CMSS1: variants seen among roughly 807,000 people sequenced by gnomAD.
CMSS1 encodes the protein cms1 ribosomal small subunit homolog.
CMSS1 carries 33 observed loss-of-function variants against 43.5 expected under a neutral mutation model. The observed-to-expected ratio is 0.76, with a 90% CI of 0.57 to 1.01. CMSS1 has a LOEUF of 1.01. CMSS1 is among the 50% of genes least tolerant of loss of function. The pLI is 0.00. For synonymous variants in CMSS1, 115 were observed against 117.2 expected (o/e 0.98, Z 0.12); for missense variants, 313 against 326.4 (o/e 0.96, Z 0.32).
intron 1 of CMSS1, among the ~76,000 whole-genome samples, chr3:99,900,295 G>C (rs1474888524): frequency 2.6e-5 from 4 of 152,152 alleles, no homozygotes; most frequent in African/African-American, 7.2e-5. Context: ...AGATGGTGAT[G>C]ATGAGGATAT....
At chr3:99,995,349 A>T (rs1334565918) in intron 1 of CMSS1, among the ~76,000 whole-genome samples, 1 of 152,176 alleles carries the variant, frequency 6.6e-6, no homozygotes, top group African/African-American at 2.4e-5. Flanking sequence ...CTGATGTAAG[A>T]GGTGGGTTCC....
chr3:99,819,776 A>G (rs1196801252), intron 1 of CMSS1, among the ~76,000 whole-genome samples: 6 of 144,066 alleles, frequency 4.2e-5, no homozygotes, highest in Admixed American at 3.5e-4. Context: ...TTTTTTTGAC[A>G]CGGAGTCTCC....
intron 1 of CMSS1, among the ~76,000 whole-genome samples, chr3:99,983,498 ATATATATATATG>A (rs1709231327): frequency 1.9e-4 from 20 of 105,900 alleles, no homozygotes; most frequent in African/African-American, 6.9e-4. Flanking sequence ...ATATATATAT[ATATATATATATG>A]TATATATATA....
At chr3:99,980,951 T>C (rs1387222270) in intron 1 of CMSS1, among the ~76,000 whole-genome samples, 1 of 152,120 alleles carries the variant, frequency 6.6e-6, no homozygotes, top group African/African-American at 2.4e-5. Flanking sequence ...TGCTGGACAA[T>C]TGGGACCCAT....
chr3:99,976,113 G>A (rs1459446729), intron 1 of CMSS1, among the ~76,000 whole-genome samples: 2 of 152,058 alleles, frequency 1.3e-5, no homozygotes, highest in Non-Finnish European at 2.9e-5. Context: ...TCGAACTTTT[G>A]ACCTCAGGTG....
At chr3:100,068,071 A>G (rs940259793) in intron 1 of CMSS1, among the ~76,000 whole-genome samples, 6 of 152,212 alleles carry the variant, frequency 3.9e-5, no homozygotes, top group South Asian at 2.1e-4. Context: ...GAATTTAGGA[A>G]TAACTACTTC....
intron 1 of CMSS1, among the ~76,000 whole-genome samples, chr3:99,845,878 G>A (rs1943342573): frequency 6.6e-6 from 1 of 152,196 alleles, no homozygotes; most frequent in East Asian, 1.9e-4. Flanking sequence ...TTCTAAAAGA[G>A]GTATTCCTTG....
chr3:100,166,221 C>T (rs756067323), intron 4 of CMSS1, 114 bp from the exon 5 acceptor site: 2 of 652,584 alleles, frequency 3.1e-6, no homozygotes, highest in Non-Finnish European at 5.4e-6. Flanking sequence ...AAATGGGCCC[C>T]CAATTCACTA....
chr3:100,001,287 T>G (rs886355233), intron 1 of CMSS1, among the ~76,000 whole-genome samples: 1 of 152,242 alleles, frequency 6.6e-6, no homozygotes, highest in African/African-American at 2.4e-5. Flanking sequence ...GGAACATGGC[T>G]ATACTCCTTC....
At chr3:99,962,026 G>A (rs905060160) in intron 1 of CMSS1, among the ~76,000 whole-genome samples, 3 of 152,140 alleles carry the variant, frequency 2.0e-5, no homozygotes, top group African/African-American at 7.2e-5. Context: ...GGTTAGGGAT[G>A]TCGGGGAAAT....
In CMSS1 at chr3:99,891,106, G is replaced by A. The variant is rs192053214; in HGVS notation, c.64+73063G>A. Among the ~76,000 whole-genome samples the A allele has an allele frequency of 4.6e-5, 7 of 150,868 alleles. No homozygotes were observed. The South Asian group carries it at 6.3e-4, about 14-fold the overall frequency. ...AGTTAGTATGAATCTGCAAATTCTCGTGTGGGCTAGCTTGTTAGTATACCT... is the reference window on the plus strand; with the variant it reads ...AGTTAGTATGAATCTGCAAATTCTCATGTGGGCTAGCTTGTTAGTATACCT... On this transcript the variant is annotated intron_variant, in intron 1 of 9. Transcript: ENST00000421999.
intron 2 of CMSS1, chr3:100,159,880 A>T (rs1226241694): frequency 2.2e-6 from 1 of 456,550 alleles, no homozygotes; most frequent in Non-Finnish European, 4.4e-6. Flanking sequence ...TGTAGTCATT[A>T]TAGCAAAGGC....
At chr3:100,103,451 C>T (rs114935691) in intron 1 of CMSS1, among the ~76,000 whole-genome samples, 1,855 of 152,322 alleles carry the variant, frequency 0.012, 25 homozygotes, top group African/African-American at 0.028. Context: ...TTGCAAAATC[C>T]ACTCTAGGTG....
intron 1 of CMSS1, among the ~76,000 whole-genome samples, chr3:100,048,315 C>T (rs2065310920): frequency 6.6e-6 from 1 of 152,214 alleles, no homozygotes; most frequent in Non-Finnish European, 1.5e-5. Context: ...CCCAGAGGCC[C>T]CTCATTTCTC....
chr3:100,108,575 T>C (rs1407965878), intron 1 of CMSS1, among the ~76,000 whole-genome samples: 4 of 152,192 alleles, frequency 2.6e-5, no homozygotes, highest in Non-Finnish European at 4.4e-5. Flanking sequence ...TGATTTTGTT[T>C]GATATTCATG....
chr3:99,943,145 A>G (rs889784000), intron 1 of CMSS1, among the ~76,000 whole-genome samples: 16 of 152,158 alleles, frequency 1.1e-4, no homozygotes, highest in Admixed American at 3.9e-4. Context: ...ATTTCTGATA[A>G]CAAGAACAGG....
At chr3:99,894,261 A>C (rs187668790) in intron 1 of CMSS1, among the ~76,000 whole-genome samples, 115 of 152,316 alleles carry the variant, frequency 7.6e-4, no homozygotes, top group Admixed American at 1.4e-3. Flanking sequence ...AAGGGAGAAG[A>C]TCTGTATCTG....
chr3:99,849,139 G>A (rs771516420), intron 1 of CMSS1: 2 of 1,614,132 alleles, frequency 1.2e-6, no homozygotes, highest in South Asian at 2.2e-5. Context: ...GCATTTGAAG[G>A]ACAGCACAGA....
chr3:100,118,108 T>C (rs1441631416), intron 1 of CMSS1, among the ~76,000 whole-genome samples: 1 of 151,126 alleles, frequency 6.6e-6, no homozygotes, highest in South Asian at 2.1e-4. Flanking sequence ...GAGAATTGTT[T>C]AATGGGTGTA....
Sources: allele counts gnomAD v4.1 joint callset (sites outside exome capture counted in the v4.1 genomes callset), GRCh38; gene constraint gnomAD v4.1.1; transcripts MANE v1.5; gene names NCBI Gene and HGNC (gene_info 2026-07-23, HGNC 2026-07-21).